The following GALNTL6 variants were observed in gnomAD, a reference collection of about 807,000 sequenced individuals.
GALNTL6 encodes polypeptide N-acetylgalactosaminyltransferase like 6.
A neutral mutation model predicts 73.7 loss-of-function variants in GALNTL6; 46 were observed. That is an observed-to-expected ratio of 0.62 (90% CI 0.49 to 0.80). The LOEUF (loss-of-function observed/expected upper bound fraction) is 0.80, where lower values mean the gene tolerates loss of function less well. Among genes scored for constraint, GALNTL6 ranks in the 30% least tolerant of loss-of-function variants. The pLI, the probability that GALNTL6 is intolerant of heterozygous loss-of-function variation, is 0.00. For synonymous variants in GALNTL6, 259 were observed against 263.7 expected, an observed-to-expected ratio of 0.98 and a Z score of 0.17; for missense variants, 604 against 755.0, an observed-to-expected ratio of 0.80 and a Z score of 2.34.
chr4:171,894,729 C>T (rs1736860360), intron 2 of GALNTL6, among the ~76,000 whole-genome samples: 2 of 152,190 alleles, frequency 1.3e-5, no homozygotes, highest in African/African-American at 2.4e-5. Flanking sequence ...GATACTGAAT[C>T]GCCCCAAAAT....
At chr4:173,015,093 C>T (rs114436220) in intron 11 of GALNTL6, among the ~76,000 whole-genome samples, 2,024 of 152,280 alleles carry the variant, frequency 0.013, 17 homozygotes, top group Middle Eastern at 0.021. Context: ...CGCCATGTGA[C>T]GATGGATGTG....
chr4:172,920,961 G>A (rs1371165218), intron 8 of GALNTL6, among the ~76,000 whole-genome samples: 1 of 152,186 alleles, frequency 6.6e-6, no homozygotes, highest in African/African-American at 2.4e-5. Flanking sequence ...AGGCAGAAAA[G>A]GGTGATGAGT....
At chr4:171,878,731 A>T (rs893470637) in intron 2 of GALNTL6, among the ~76,000 whole-genome samples, 2 of 152,144 alleles carry the variant, frequency 1.3e-5, no homozygotes, top group Admixed American at 1.3e-4. Context: ...TCCCCACAAA[A>T]ATTTCATGTC....
At chr4:172,480,485 T>A (rs2111480641) in intron 5 of GALNTL6, among the ~76,000 whole-genome samples, 1 of 152,328 alleles carries the variant, frequency 6.6e-6, no homozygotes, top group South Asian at 2.1e-4. Context: ...AATTGAGCTA[T>A]TATTTATTAA....
chr4:172,277,420 GC>G (rs1188703606), intron 3 of GALNTL6, among the ~76,000 whole-genome samples: 1 of 152,096 alleles, frequency 6.6e-6, no homozygotes, highest in Non-Finnish European at 1.5e-5. Context: ...ACAGTTGGCA[GC>G]CCCCAAAAGT....
intron 2 of GALNTL6, among the ~76,000 whole-genome samples, chr4:171,834,110 G>T (rs1483764420): frequency 6.6e-6 from 1 of 151,852 alleles, no homozygotes; most frequent in Non-Finnish European, 1.5e-5. Context: ...ATAACATTTG[G>T]AAACCTGTTT....
intron 5 of GALNTL6, among the ~76,000 whole-genome samples, chr4:172,449,887 T>A (rs895740968): frequency 6.6e-6 from 1 of 152,154 alleles, no homozygotes; most frequent in Admixed American, 6.6e-5. Context: ...AGTAGGCAAC[T>A]CCAACCTAGC....
At chr4:173,005,082 C>T (rs774915923) in intron 10 of GALNTL6, among the ~76,000 whole-genome samples, 5 of 132,044 alleles carry the variant, frequency 3.8e-5, no homozygotes, top group Non-Finnish European at 8.0e-5. Flanking sequence ...CTGATAAAAA[C>T]CTCCTGTGTT....
At chr4:172,526,000 A>T (rs1484916173) in intron 5 of GALNTL6, among the ~76,000 whole-genome samples, 1 of 152,064 alleles carries the variant, frequency 6.6e-6, no homozygotes, top group Non-Finnish European at 1.5e-5. Flanking sequence ...TCCTATTCTT[A>T]TTCACACTGC....
intron 9 of GALNTL6, among the ~76,000 whole-genome samples, chr4:172,933,609 TG>T (rs1237517285): frequency 2.6e-5 from 4 of 152,140 alleles, no homozygotes; most frequent in African/African-American, 9.7e-5. Context: ...TATTAAAGCT[TG>T]ACTGTCACTC....
chr4:172,220,316 C>T (rs1736632532), intron 2 of GALNTL6, among the ~76,000 whole-genome samples: 1 of 151,762 alleles, frequency 6.6e-6, no homozygotes, highest in South Asian at 2.1e-4. Flanking sequence ...CTTCCTTCTA[C>T]TTGAATATAA....
intron 5 of GALNTL6, among the ~76,000 whole-genome samples, chr4:172,759,869 G>A (rs1468214491): frequency 8.4e-6 from 1 of 119,670 alleles, no homozygotes; most frequent in African/African-American, 3.4e-5. Flanking sequence ...TCGCTCTGTC[G>A]CCCAGGCCGG....
At chr4:172,291,797 A>G (rs1032227879) in intron 3 of GALNTL6, among the ~76,000 whole-genome samples, 11 of 151,662 alleles carry the variant, frequency 7.3e-5, no homozygotes, top group Non-Finnish European at 1.5e-4. Flanking sequence ...AAGCTGTAAT[A>G]TACAAGAGGC....
chr4:172,053,048 T>C (rs1204937314), intron 2 of GALNTL6, among the ~76,000 whole-genome samples: 2 of 152,182 alleles, frequency 1.3e-5, no homozygotes, highest in East Asian at 1.9e-4. Flanking sequence ...TCAAGACTTA[T>C]GCAGTGACAT....
chr4:172,878,151 C>T lies in GALNTL6; in HGVS notation c.924-4639C>T, dbSNP rs778807442. On this transcript the variant is annotated intron_variant, in intron 7 of 12. Transcript: ENST00000506823. ...AATGTGACACATTAAAATCTTTTAT[C>T]TGTAATGAATGAGGGAAACTGTCAT... Among the ~76,000 whole-genome samples the T allele has an allele frequency of 3.3e-5, 5 of 151,992 alleles. 1 individual carries two copies. The highest frequency in any genetic ancestry group is 6.8e-3 in the Middle Eastern group (2 of 294).
chr4:172,138,772 G>A (rs1462931433), intron 2 of GALNTL6, among the ~76,000 whole-genome samples: 2 of 150,616 alleles, frequency 1.3e-5, no homozygotes, highest in Non-Finnish European at 3.0e-5. Context: ...CTCATGATCT[G>A]CCCGCCTCGG....
intron 7 of GALNTL6, among the ~76,000 whole-genome samples, chr4:172,824,018 G>T (rs1029224539): frequency 5.9e-5 from 9 of 152,110 alleles, no homozygotes; most frequent in Admixed American, 5.9e-4. Context: ...ATCCATGCTC[G>T]AGAGCAGGGC....
chr4:172,063,171 G>A (rs546306037), intron 2 of GALNTL6, among the ~76,000 whole-genome samples: 2 of 152,286 alleles, frequency 1.3e-5, no homozygotes, highest in African/African-American at 4.8e-5. Context: ...GAAGGACAAC[G>A]TAGCTGAATA....
At chr4:171,863,556 C>T (rs1735894273) in intron 2 of GALNTL6, among the ~76,000 whole-genome samples, 1 of 151,942 alleles carries the variant, frequency 6.6e-6, no homozygotes, top group Non-Finnish European at 1.5e-5. Flanking sequence ...TCTATTTCAT[C>T]TTTCTGTAAT....
Sources: gnomAD v4.1 joint callset for allele counts (sites outside exome capture counted in the v4.1 genomes callset) on GRCh38, gnomAD v4.1.1 for gene constraint, MANE v1.5 for transcripts, NCBI Gene and HGNC (gene_info 2026-07-23, HGNC 2026-07-21) for gene names.